The following PRIM2 variants were observed in gnomAD, a reference collection of about 807,000 sequenced individuals.
PRIM2 encodes the protein DNA primase subunit 2, also known as DNA primase large subunit.
PRIM2 carries 39 observed loss-of-function variants against 67.3 expected under a neutral mutation model. That is an observed-to-expected ratio of 0.58 (90% CI 0.45 to 0.76). PRIM2 has a LOEUF of 0.76. Among genes scored for constraint, PRIM2 ranks in the 30% least tolerant of loss-of-function variants. PRIM2 has a pLI of 0.00. For missense variants in PRIM2, 398 were observed against 598.7 expected (o/e 0.66, Z 3.50); for synonymous variants, 143 against 198.7 (o/e 0.72, Z 2.36).
chr6:57,300,838 A>T, the PRIM2 span, among the ~76,000 whole-genome samples: 1 of 152,016 alleles, frequency 6.6e-6, no homozygotes, highest in Non-Finnish European at 1.5e-5. Flanking sequence ...AAGCATCTTG[A>T]TTCAAAAGGT....
At chr6:57,529,359 C>T (rs1456580589) in intron 8 of PRIM2, among the ~76,000 whole-genome samples, 1 of 152,040 alleles carries the variant, frequency 6.6e-6, no homozygotes, top group African/African-American at 2.4e-5. Flanking sequence ...ATAATCCTAG[C>T]CTACTGCCAT....
At chr6:57,373,118 G>C (rs1259015033) in intron 5 of PRIM2, among the ~76,000 whole-genome samples, 2 of 152,038 alleles carry the variant, frequency 1.3e-5, no homozygotes, top group Non-Finnish European at 1.5e-5. Flanking sequence ...AACCTTGCCA[G>C]CATCTGTTGT....
chr6:57,607,559 G>A (rs1776586017), intron 12 of PRIM2, among the ~76,000 whole-genome samples: 1 of 152,062 alleles, frequency 6.6e-6, no homozygotes, highest in Non-Finnish European at 1.5e-5. Context: ...GACTATAGGA[G>A]TATTAAGATT....
chr6:57,454,012 G>A (rs1772659463), intron 7 of PRIM2, among the ~76,000 whole-genome samples: 1 of 152,108 alleles, frequency 6.6e-6, no homozygotes, highest in African/African-American at 2.4e-5. Flanking sequence ...GTCGAATTTT[G>A]TCAAAGGCCT....
Position 57,374,303 on chromosome 6 carries a change from A to ATTTATTTTTTTT in PRIM2, c.460-5595_460-5594insATTTTTTTTTTT, listed in dbSNP as rs1554331462. On this transcript the variant is annotated intron_variant, in intron 5 of 13. Transcript: ENST00000615550. ...TATTTATTTATTTATTTATTTATTT[A>ATTTATTTTTTTT]TTTTTTTTGAGACGGAGTTTCGCTC... Among the ~76,000 whole-genome samples, 166 of 139,850 alleles carry ATTTATTTTTTTT rather than the reference A, an allele frequency of 1.2e-3. 1 individual carries two copies. Among genetic ancestry groups the ATTTATTTTTTTT allele is most frequent in the African/African-American group, 2.5e-3 (94 of 37,840 alleles). The allele number at this position is 139,850 out of a possible 152,430, so 91.7% of individuals were successfully genotyped here. A position where few individuals can be genotyped will look rare whatever the true frequency, so the allele number is the denominator to read the frequency against.
intron 7 of PRIM2, among the ~76,000 whole-genome samples, chr6:57,440,833 C>G (rs1381453547): frequency 6.6e-6 from 1 of 152,192 alleles, no homozygotes; most frequent in Non-Finnish European, 1.5e-5. Context: ...TATAGAATTT[C>G]CTACAGACAA....
the PRIM2 span, among the ~76,000 whole-genome samples, chr6:57,228,127 A>T: frequency 6.6e-6 from 1 of 152,220 alleles, no homozygotes; most frequent in South Asian, 2.1e-4. Context: ...CTTATAGAAG[A>T]TCTACAAAAC....
At chr6:57,322,971 A>G (rs1245375931) in intron 3 of PRIM2, among the ~76,000 whole-genome samples, 2 of 152,148 alleles carry the variant, frequency 1.3e-5, no homozygotes, top group Non-Finnish European at 2.9e-5. Flanking sequence ...GAATCTCAAC[A>G]CTGCTGCTTA....
chr6:57,270,804 C>G, the PRIM2 span, among the ~76,000 whole-genome samples: 2 of 152,148 alleles, frequency 1.3e-5, no homozygotes, highest in African/African-American at 2.4e-5. Flanking sequence ...TATGTCCCAT[C>G]AATACCTAAT....
At chr6:57,381,994 G>A (rs1194391277) in intron 6 of PRIM2, 37 bp from the exon 7 acceptor site, 2 of 1,573,012 alleles carry the variant, frequency 1.3e-6, no homozygotes, top group South Asian at 1.2e-5. Flanking sequence ...TTAATGACAG[G>A]TGCTGACTTA....
chr6:57,488,161 C>T (rs1773796936), intron 7 of PRIM2, among the ~76,000 whole-genome samples: 1 of 152,128 alleles, frequency 6.6e-6, no homozygotes, highest in Non-Finnish European at 1.5e-5. Flanking sequence ...TCTGAATTCC[C>T]CTTTCAGTTT....
At chr6:57,599,941 C>T (rs1776430631) in intron 10 of PRIM2, among the ~76,000 whole-genome samples, 2 of 152,184 alleles carry the variant, frequency 1.3e-5, no homozygotes, top group South Asian at 4.1e-4. Flanking sequence ...GTGCATGCCA[C>T]CACACACAGC....
chr6:57,439,481 T>C (rs1244636295), intron 7 of PRIM2, among the ~76,000 whole-genome samples: 1 of 128,346 alleles, frequency 7.8e-6, no homozygotes, highest in African/African-American at 2.8e-5. Context: ...AGTGGCACCA[T>C]CACGGCTCAC....
At chr6:57,462,360 G>GA (rs1773036808) in intron 7 of PRIM2, among the ~76,000 whole-genome samples, 1 of 150,424 alleles carries the variant, frequency 6.6e-6, no homozygotes, top group Admixed American at 6.6e-5. Flanking sequence ...TATGGTTTTG[G>GA]ATTTGCAAAA....
intron 7 of PRIM2, among the ~76,000 whole-genome samples, chr6:57,421,236 T>A (rs1159181299): frequency 6.6e-6 from 1 of 152,104 alleles, no homozygotes; most frequent in Non-Finnish European, 1.5e-5. Flanking sequence ...TAAAGTAATA[T>A]CTGGAACAAA....
intron 12 of PRIM2, among the ~76,000 whole-genome samples, chr6:57,631,513 C>G (rs1270665001): frequency 1.3e-5 from 2 of 151,708 alleles, no homozygotes; most frequent in African/African-American, 4.8e-5. Flanking sequence ...ATGTTCCTAA[C>G]AGGTGTTCAG....
the PRIM2 span, among the ~76,000 whole-genome samples, chr6:57,284,111 G>C: frequency 1.3e-5 from 2 of 152,104 alleles, no homozygotes; most frequent in East Asian, 3.8e-4. Context: ...TTTGTTTCAT[G>C]AAGATAAAAA....
intron 5 of PRIM2, among the ~76,000 whole-genome samples, chr6:57,330,637 C>T (rs1468771092): frequency 2.6e-5 from 4 of 151,918 alleles, no homozygotes; most frequent in Admixed American, 2.6e-4. Flanking sequence ...CCCAATTGTC[C>T]AGCTAGAATC....
the PRIM2 span, among the ~76,000 whole-genome samples, chr6:57,250,793 A>C: frequency 6.6e-6 from 1 of 152,194 alleles, no homozygotes; most frequent in Admixed American, 6.5e-5. Context: ...GTTTTCACTC[A>C]TCACATCAAA....
Sources: gnomAD v4.1 joint callset for allele counts (sites outside exome capture counted in the v4.1 genomes callset) on GRCh38, gnomAD v4.1.1 for gene constraint, MANE v1.5 for transcripts, NCBI Gene and HGNC (gene_info 2026-07-23, HGNC 2026-07-21) for gene names.